MDGA2: variants seen among roughly 807,000 people sequenced by gnomAD.
MDGA2 encodes the protein MAM domain-containing glycosylphosphatidylinositol anchor protein 2.
In MDGA2, 40 loss-of-function variants were observed where a neutral mutation model predicts 117.8. That is an observed-to-expected ratio of 0.34 (90% CI 0.26 to 0.44). MDGA2 has a LOEUF of 0.44. Ranked by LOEUF, MDGA2 falls within the 20% of genes least tolerant of loss-of-function variation. The pLI, the probability that MDGA2 is intolerant of heterozygous loss-of-function variation, is 1.00. For synonymous variants in MDGA2, 452 were observed against 439.0 expected, an observed-to-expected ratio of 1.03 and a Z score of -0.37; for missense variants, 1,123 against 1,250.6, an observed-to-expected ratio of 0.90 and a Z score of 1.54.
chr14:46,883,833 AT>A (rs1320051317), intron 10 of MDGA2, among the ~76,000 whole-genome samples: 1 of 151,986 alleles, frequency 6.6e-6, no homozygotes, highest in Admixed American at 6.6e-5. Flanking sequence ...ATTGTGACAG[AT>A]TTTTTTATTC....
At position 47,163,711 on chromosome 14, in the gene MDGA2, G is replaced by C. The variant is rs929311340; in HGVS notation, c.596-19437C>G. On this transcript the variant is annotated intron_variant, in intron 3 of 16. Transcript: ENST00000399232. ...GTGCACTTTTGTGTTTCAGCACGAG[G>C]AGGAAAACACATTTAGCCAACCTTG... Among the ~76,000 whole-genome samples the C allele has an allele frequency of 9.8e-5, 15 of 152,310 alleles. No individual in the cohort carries two copies. The East Asian group carries it at 2.1e-3, about 22-fold the overall frequency.
At chr14:47,401,533 C>A (rs1281157797) in intron 1 of MDGA2, among the ~76,000 whole-genome samples, 1 of 152,130 alleles carries the variant, frequency 6.6e-6, no homozygotes, top group Non-Finnish European at 1.5e-5. Flanking sequence ...CCAACAAATT[C>A]TGTTATAGTT....
intron 1 of MDGA2, among the ~76,000 whole-genome samples, chr14:47,382,446 A>G (rs968703244): frequency 6.6e-6 from 1 of 152,218 alleles, no homozygotes; most frequent in Non-Finnish European, 1.5e-5. Flanking sequence ...AATTTTTACA[A>G]TCTACCCATC....
intron 6 of MDGA2, among the ~76,000 whole-genome samples, chr14:47,070,572 C>T (rs191014037): frequency 7.2e-5 from 11 of 151,862 alleles, no homozygotes; most frequent in African/African-American, 2.2e-4. Flanking sequence ...ACCAACCTCT[C>T]CCATAAAGTC....
intron 1 of MDGA2, among the ~76,000 whole-genome samples, chr14:47,456,769 G>C (rs759222836): frequency 2.0e-5 from 3 of 152,088 alleles, no homozygotes; most frequent in African/African-American, 4.8e-5. Context: ...TGAAATTAAA[G>C]GGCTTCTTTT....
intron 1 of MDGA2, among the ~76,000 whole-genome samples, chr14:47,437,972 A>C (rs1456920295): frequency 6.6e-6 from 1 of 152,162 alleles, no homozygotes; most frequent in African/African-American, 2.4e-5. Flanking sequence ...GCACAGTACC[A>C]GTCTTTCTAG....
intron 10 of MDGA2, among the ~76,000 whole-genome samples, chr14:46,899,861 A>C (rs2138442624): frequency 6.6e-6 from 1 of 152,210 alleles, no homozygotes; most frequent in African/African-American, 2.4e-5. Context: ...ATTATGTCAA[A>C]CAATGCTCTC....
At chr14:47,506,862 C>G (rs1305588389) in intron 1 of MDGA2, among the ~76,000 whole-genome samples, 1 of 151,900 alleles carries the variant, frequency 6.6e-6, no homozygotes, top group Non-Finnish European at 1.5e-5. Context: ...TTTCCTGCAG[C>G]AGAGCCAGCC....
chr14:47,337,207 G>C (rs1473851620), intron 1 of MDGA2, among the ~76,000 whole-genome samples: 1 of 151,964 alleles, frequency 6.6e-6, no homozygotes, highest in African/African-American at 2.4e-5. Flanking sequence ...AATTACCAAT[G>C]ACATAAAGTA....
intron 1 of MDGA2, among the ~76,000 whole-genome samples, chr14:47,335,032 T>C (rs887351059): frequency 7.9e-5 from 12 of 151,876 alleles, no homozygotes; most frequent in African/African-American, 2.4e-4. Flanking sequence ...TTGCAGGCTA[T>C]CCATGAACCA....
At chr14:47,624,846 AC>A (rs1373093858) in intron 1 of MDGA2, among the ~76,000 whole-genome samples, 9 of 152,184 alleles carry the variant, frequency 5.9e-5, no homozygotes, top group African/African-American at 2.2e-4. Flanking sequence ...TATGTCAGGC[AC>A]CCCATTAAAC....
At chr14:46,888,375 GA>G (rs919536745) in intron 10 of MDGA2, among the ~76,000 whole-genome samples, 13 of 151,850 alleles carry the variant, frequency 8.6e-5, no homozygotes, top group African/African-American at 3.1e-4. Context: ...TAAGCATGAT[GA>G]TATGTAAGTA....
intron 4 of MDGA2, among the ~76,000 whole-genome samples, chr14:47,136,779 T>C (rs1444203684): frequency 6.6e-6 from 1 of 152,222 alleles, no homozygotes; most frequent in African/African-American, 2.4e-5. Context: ...TAGATAGGAA[T>C]AGAGCACACA....
intron 6 of MDGA2, among the ~76,000 whole-genome samples, chr14:47,084,236 C>T (rs1279309536): frequency 6.6e-6 from 1 of 151,964 alleles, no homozygotes; most frequent in African/African-American, 2.4e-5. Flanking sequence ...AAATAAGTGA[C>T]AGAGAGATTA....
rs186512168 is a variant in MDGA2 at position 47,121,502 on chromosome 14, A to T, written c.925+10212T>A. ...ATTACTTCTGAATATATATATTAGT[A>T]GATAGATTATATCATTGATACTTTT... On this transcript the variant is annotated intron_variant, in intron 5 of 16. Transcript: ENST00000399232. Among the ~76,000 whole-genome samples, 49 of 152,178 alleles carry T rather than the reference A, an allele frequency of 3.2e-4. No individual in the cohort carries two copies. In the East Asian group the frequency reaches 9.1e-3, roughly 28 times the overall value.
intron 1 of MDGA2, among the ~76,000 whole-genome samples, chr14:47,390,729 T>C (rs1476785271): frequency 6.6e-6 from 1 of 152,118 alleles, no homozygotes; most frequent in East Asian, 1.9e-4. Flanking sequence ...ATTAAACCGG[T>C]TTCTTTCTCC....
chr14:46,853,329 T>C (rs896315933), intron 15 of MDGA2, among the ~76,000 whole-genome samples: 2 of 151,954 alleles, frequency 1.3e-5, no homozygotes, highest in Admixed American at 6.6e-5. Flanking sequence ...CAATTTTATG[T>C]ATGTGTGATT....
chr14:47,565,901 T>C (rs946805809), intron 1 of MDGA2, among the ~76,000 whole-genome samples: 15 of 152,142 alleles, frequency 9.9e-5, no homozygotes, highest in African/African-American at 3.6e-4. Context: ...GATGTCCTTG[T>C]GTTCATTCAC....
intron 6 of MDGA2, among the ~76,000 whole-genome samples, chr14:47,069,821 C>T (rs1327010751): frequency 3.3e-5 from 5 of 152,078 alleles, no homozygotes; most frequent in Non-Finnish European, 5.9e-5. Context: ...CATTTTAACA[C>T]TACAGACCAA....
Sources: allele counts gnomAD v4.1 joint callset (sites outside exome capture counted in the v4.1 genomes callset), GRCh38; gene constraint gnomAD v4.1.1; transcripts MANE v1.5; gene names NCBI Gene and HGNC (gene_info 2026-07-23, HGNC 2026-07-21).